The following TMEM132D variants were observed in gnomAD, a reference collection of about 807,000 sequenced individuals.
TMEM132D encodes mature OL transmembrane protein.
Under a neutral mutation model 62.3 loss-of-function variants are expected in TMEM132D, and 21 were observed. The ratio of observed to expected loss-of-function variants is 0.34; its 90% CI spans 0.24 to 0.49. The LOEUF (loss-of-function observed/expected upper bound fraction) is 0.49, where lower values mean the gene tolerates loss of function less well. TMEM132D is among the 20% of genes least tolerant of loss of function. The probability of loss-of-function intolerance (pLI) is 0.99; values close to 1 mark genes in which losing one functional copy is unlikely to be tolerated. For synonymous variants in TMEM132D, 621 were observed against 575.6 expected (o/e 1.08, Z -1.13); for missense variants, 1,346 against 1,402.8 (o/e 0.96, Z 0.65).
intron 3 of TMEM132D, among the ~76,000 whole-genome samples, chr12:129,407,729 A>T (rs1010161592): frequency 6.6e-6 from 1 of 151,300 alleles, no homozygotes; most frequent in African/African-American, 2.4e-5. Context: ...ACACGGTGAA[A>T]CCCTGTCTCT....
chr12:129,284,392 C>T (rs1318533408), intron 4 of TMEM132D, among the ~76,000 whole-genome samples: 1 of 152,244 alleles, frequency 6.6e-6, no homozygotes, highest in Non-Finnish European at 1.5e-5. Context: ...CATTTTAAGG[C>T]ACTCAGTAAT....
At chr12:129,809,126 G>A (rs1872086168) in intron 1 of TMEM132D, among the ~76,000 whole-genome samples, 1 of 152,046 alleles carries the variant, frequency 6.6e-6, no homozygotes, top group African/African-American at 2.4e-5. Context: ...TGGCCAACGT[G>A]GTGAAACCTC....
chr12:129,173,977 G>A (rs566272763), intron 5 of TMEM132D, among the ~76,000 whole-genome samples: 1 of 152,112 alleles, frequency 6.6e-6, no homozygotes, highest in Non-Finnish European at 1.5e-5. Flanking sequence ...TTAAGTTGTG[G>A]TTCAAGAAAA....
chr12:129,474,558 CCTGA>C (rs144201722), intron 3 of TMEM132D, among the ~76,000 whole-genome samples: 4 of 152,148 alleles, frequency 2.6e-5, no homozygotes, highest in Non-Finnish European at 4.4e-5. Flanking sequence ...ATCTGCTGTC[CCTGA>C]CTGACTGACT....
At chr12:129,491,430 C>T (rs184540172) in intron 3 of TMEM132D, among the ~76,000 whole-genome samples, 60 of 152,318 alleles carry the variant, frequency 3.9e-4, no homozygotes, top group Non-Finnish European at 7.3e-4. Context: ...AGAGGTGGCC[C>T]CAGGACTGAG....
intron 5 of TMEM132D, among the ~76,000 whole-genome samples, chr12:129,129,920 A>C (rs1876322472): frequency 6.6e-6 from 1 of 151,342 alleles, no homozygotes; most frequent in Admixed American, 6.6e-5. Flanking sequence ...TGCTTCTCTC[A>C]TTCCCTGATT....
At chr12:129,548,447 GA>G (rs1333641887) in intron 2 of TMEM132D, among the ~76,000 whole-genome samples, 1 of 152,188 alleles carries the variant, frequency 6.6e-6, no homozygotes, top group Non-Finnish European at 1.5e-5. Flanking sequence ...ATTAAAAAGG[GA>G]AGGAATAGGA....
At chr12:129,307,330 C>T (rs926211241) in intron 4 of TMEM132D, among the ~76,000 whole-genome samples, 2 of 152,104 alleles carry the variant, frequency 1.3e-5, no homozygotes, top group Non-Finnish European at 2.9e-5. Context: ...CTTATTATCA[C>T]CTGTCATTAT....
intron 1 of TMEM132D, among the ~76,000 whole-genome samples, chr12:129,785,614 G>A (rs550482026): frequency 9.5e-4 from 144 of 152,292 alleles, no homozygotes; most frequent in African/African-American, 3.3e-3. Context: ...TTCATGTGGT[G>A]TTTGTGTGAG....
intron 5 of TMEM132D, among the ~76,000 whole-genome samples, chr12:129,142,007 A>G (rs1447209484): frequency 4.7e-5 from 7 of 147,686 alleles, no homozygotes; most frequent in Admixed American, 1.4e-4. Flanking sequence ...TATTAAATAT[A>G]TATATAAATA....
intron 2 of TMEM132D, among the ~76,000 whole-genome samples, chr12:129,688,952 G>A (rs12426494): frequency 0.022 from 3,366 of 152,082 alleles, 172 homozygotes; most frequent in South Asian, 0.12. Flanking sequence ...AGGTTATTGC[G>A]TCCCTTGGGG....
intron 3 of TMEM132D, among the ~76,000 whole-genome samples, chr12:129,406,346 C>A (rs114032534): frequency 1.3e-5 from 2 of 152,112 alleles, no homozygotes; most frequent in African/African-American, 4.8e-5. Context: ...GTGGGCTGGG[C>A]GTGGTGGCTT....
chr12:129,864,179 T>A (rs941467346), intron 1 of TMEM132D, among the ~76,000 whole-genome samples: 1 of 152,114 alleles, frequency 6.6e-6, no homozygotes, highest in Non-Finnish European at 1.5e-5. Flanking sequence ...GTGGTCCAGG[T>A]GGAGAGAATT....
chr12:129,414,160 CG>C (rs1313105432), intron 3 of TMEM132D, among the ~76,000 whole-genome samples: 1 of 152,188 alleles, frequency 6.6e-6, no homozygotes, highest in African/African-American at 2.4e-5. Context: ...CAACACCATA[CG>C]CTTTTTTCTT....
At chr12:129,537,368 G>C (rs747085747) in intron 2 of TMEM132D, among the ~76,000 whole-genome samples, 1 of 151,978 alleles carries the variant, frequency 6.6e-6, no homozygotes, top group Non-Finnish European at 1.5e-5. Context: ...TTCCCCTTAG[G>C]ATGTGCTCAC....
At chr12:129,543,046 A>C (rs909883819) in intron 2 of TMEM132D, among the ~76,000 whole-genome samples, 1 of 151,436 alleles carries the variant, frequency 6.6e-6, no homozygotes, top group East Asian at 1.9e-4. Context: ...CATTCCCCAG[A>C]GTGTACTCCT....
intron 1 of TMEM132D, among the ~76,000 whole-genome samples, chr12:129,759,471 C>T (rs562453634): frequency 6.6e-6 from 1 of 152,262 alleles, no homozygotes; most frequent in South Asian, 2.1e-4. Context: ...ACAATGCTAA[C>T]GCTAGATCAG....
intron 3 of TMEM132D, among the ~76,000 whole-genome samples, chr12:129,445,134 G>A (rs1049895751): frequency 5.3e-5 from 8 of 152,182 alleles, no homozygotes; most frequent in African/African-American, 1.7e-4. Flanking sequence ...TAAACACCAT[G>A]AAAGAACAAT....
At chr12:129,383,012 C>G (rs923237137) in intron 3 of TMEM132D, among the ~76,000 whole-genome samples, 1 of 152,126 alleles carries the variant, frequency 6.6e-6, no homozygotes, top group Non-Finnish European at 1.5e-5. Flanking sequence ...CATTGGGTCG[C>G]TAGGCTGCTT....
Sources: gnomAD v4.1 joint callset for allele counts (sites outside exome capture counted in the v4.1 genomes callset) on GRCh38, gnomAD v4.1.1 for gene constraint, MANE v1.5 for transcripts, NCBI Gene and HGNC (gene_info 2026-07-23, HGNC 2026-07-21) for gene names.